The following GATC variants were observed in gnomAD, a reference collection of about 807,000 sequenced individuals.
The protein encoded by GATC is glutamyl-tRNA amidotransferase subunit C.
In GATC, 11 loss-of-function variants were observed where a neutral mutation model predicts 14.4. That is an observed-to-expected ratio of 0.77 (90% CI 0.48 to 1.27). GATC has a LOEUF of 1.27. Among genes scored for constraint, GATC ranks in the 50% most tolerant of loss-of-function variants. The pLI is 0.00. For missense variants in GATC, 204 were observed against 183.0 expected, an observed-to-expected ratio of 1.11 and a Z score of -0.66; for synonymous variants, 76 against 79.3, an observed-to-expected ratio of 0.96 and a Z score of 0.22.
Position 120,461,902 on chromosome 12 carries a change from A to G in GATC, c.*1943A>G. 8.8e-7 allele frequency: 1 copy of G among 1,142,538 alleles called. No individual in the cohort carries two copies. The highest frequency in any genetic ancestry group is 2.9e-5 in the South Asian group (1 of 34,034). 70.8% of individuals were successfully genotyped at this position (1,142,538 alleles called of 1,614,324 possible). The stretch of plus-strand genomic sequence containing the variant: ...TTATGTAGTTTTTTTTCTTCTTTAA[A>G]AAAAAAAAATTAAAAAAATTTCCTA... On this transcript the variant is annotated 3_prime_UTR_variant, in exon 4 of 4. Transcript: ENST00000551765.
At chr12:120,453,626 A>G (rs1190494395) in intron 2 of GATC, among the ~76,000 whole-genome samples, 2 of 152,052 alleles carry the variant, frequency 1.3e-5, no homozygotes, top group South Asian at 2.1e-4. Context: ...AAGTGAAGCA[A>G]CTCACCAAGT....
At chr12:120,448,539 G>C (rs1877941810) in intron 2 of GATC, among the ~76,000 whole-genome samples, 1 of 151,360 alleles carries the variant, frequency 6.6e-6, no homozygotes, top group African/African-American at 2.4e-5. Context: ...ATGTTGACCA[G>C]GCTGGTCTCG....
intron 2 of GATC, among the ~76,000 whole-genome samples, chr12:120,447,189 C>A (rs1385280617): frequency 6.6e-6 from 1 of 151,876 alleles, no homozygotes; most frequent in Non-Finnish European, 1.5e-5. Flanking sequence ...CAATTCTCTG[C>A]CTCAGCCTCC....
In GATC at chr12:120,461,559, T is replaced by C. The variant is rs1343996281; in HGVS notation, c.*1600T>C. 3 of 152,512 alleles carry C rather than the reference T, an allele frequency of 2.0e-5. No individual in the cohort carries two copies. Among genetic ancestry groups the C allele is most frequent in the African/African-American group, 7.2e-5 (3 of 41,450 alleles). 9.4% of individuals were successfully genotyped at this position (152,512 alleles called of 1,614,324 possible). A position where few individuals can be genotyped will look rare whatever the true frequency, so the allele number is the denominator to read the frequency against. ...CTATCCCCATATAAATAAAGTTATC[T>C]ACCCCTGCTCCTAACTGGGTACAAG... On this transcript the variant is annotated 3_prime_UTR_variant, in exon 4 of 4. Transcript: ENST00000551765.
intron 2 of GATC, among the ~76,000 whole-genome samples, chr12:120,454,425 C>T (rs1460207187): frequency 6.6e-6 from 1 of 152,088 alleles, no homozygotes; most frequent in East Asian, 1.9e-4. Flanking sequence ...AGAGCCTAAG[C>T]TCTTAGCCTT....
chr12:120,462,307 T>C lies in GATC; in HGVS notation c.*2348T>C. ...TGGCATGAGGCTATCTCATTAAACC[T>C]TCATAACATTATGAGGTAGGTACTC... On this transcript the variant is annotated 3_prime_UTR_variant, in exon 4 of 4. Coordinates refer to ENST00000551765, the MANE Select transcript of GATC (RefSeq NM_176818.3). The C allele has an allele frequency of 2.6e-6, 2 of 769,532 alleles. No homozygotes were observed. Among genetic ancestry groups the C allele is most frequent in the Non-Finnish European group, 4.0e-6 (2 of 504,046 alleles). 47.7% of individuals were successfully genotyped at this position (769,532 alleles called of 1,614,324 possible). A position where few individuals can be genotyped will look rare whatever the true frequency, so the allele number is the denominator to read the frequency against.
In GATC at chr12:120,446,503, T is replaced by C. The variant is rs1045565977; in HGVS notation, c.23T>C (p.Leu8Pro). 1 of 1,606,758 alleles carries C rather than the reference T, an allele frequency of 6.2e-7. No individual in the cohort carries two copies. Among genetic ancestry groups the C allele is most frequent in the African/African-American group, 1.3e-5 (1 of 74,832 alleles). The change falls in exon 1 of 4, where the codon CTG becomes CCG. Residue 8 changes from leucine (L) to proline (P), a missense_variant. Leu to Pro is a moderately conservative substitution (Grantham distance 98, BLOSUM62 -3). Transcript: ENST00000551765. Reference protein sequence around the residue: MWSRLVWLGLRAPLGGRQ... With the variant: MWSRLVWPGLRAPLGGRQ... ...GAAATGTGGTCGCGGTTGGTGTGGC[T>C]GGGCCTTCGGGCCCCTCTGGGCGGG...
rs1206064854 is a variant in GATC, at chr12:120,462,250, A to C, written c.*2291A>C. The C allele has an allele frequency of 1.6e-5, 22 of 1,416,496 alleles. No homozygotes were observed. The highest frequency in any genetic ancestry group is 1.9e-5 in the Non-Finnish European group (20 of 1,040,860). The allele number at this position is 1,416,496 out of a possible 1,614,324, so 87.7% of individuals were successfully genotyped here. A position where few individuals can be genotyped will look rare whatever the true frequency, so the allele number is the denominator to read the frequency against. Reference sequence around the variant, plus strand: ...AAACCAACATCTAACAATAATAGTTAAGTATTGAGCACTTACTGTGTACTC... The same window carrying C: ...AAACCAACATCTAACAATAATAGTTCAGTATTGAGCACTTACTGTGTACTC... On this transcript the variant is annotated 3_prime_UTR_variant, in exon 4 of 4. Coordinates refer to ENST00000551765, the MANE Select transcript of GATC (RefSeq NM_176818.3).
At chr12:120,449,504 C>T (rs548484668) in intron 2 of GATC, among the ~76,000 whole-genome samples, 23 of 152,270 alleles carry the variant, frequency 1.5e-4, no homozygotes, top group Admixed American at 3.3e-4. Flanking sequence ...ACGCTGGAGG[C>T]AGTGGCGTGA....
intron 2 of GATC, among the ~76,000 whole-genome samples, chr12:120,447,383 G>A (rs963561513): frequency 2.0e-5 from 3 of 151,852 alleles, no homozygotes; most frequent in East Asian, 1.9e-4. Context: ...CCTAATCATC[G>A]CCTTTAAGGC....
At chr12:120,455,600 G>A (rs574729443) in intron 2 of GATC, among the ~76,000 whole-genome samples, 1 of 152,270 alleles carries the variant, frequency 6.6e-6, no homozygotes, top group Non-Finnish European at 1.5e-5. Flanking sequence ...TTCATACCAT[G>A]AGTAAATATT....
chr12:120,451,939 C>T (rs1188627162), intron 2 of GATC, among the ~76,000 whole-genome samples: 1 of 127,204 alleles, frequency 7.9e-6, no homozygotes, highest in Admixed American at 9.1e-5. Flanking sequence ...TGCAGTGGCA[C>T]GATCTCAGCT....
chr12:120,455,103 G>A (rs1265228718), intron 2 of GATC: 25 of 316,972 alleles, frequency 7.9e-5, no homozygotes, highest in Admixed American at 3.3e-4. Context: ...GGATGGTCTC[G>A]AACTCCTGAC....
chr12:120,458,883 C>CG (rs1431711961), intron 3 of GATC, among the ~76,000 whole-genome samples: 1 of 152,162 alleles, frequency 6.6e-6, no homozygotes, highest in African/African-American at 2.4e-5. Flanking sequence ...TGTTTTGAGA[C>CG]GGAGTCTTGC....
chr12:120,456,430 C>G (rs959973592), intron 2 of GATC, among the ~76,000 whole-genome samples: 1 of 152,178 alleles, frequency 6.6e-6, no homozygotes, highest in African/African-American at 2.4e-5. Context: ...CCAGTTGTTA[C>G]TTAGCAGCCA....
Position 120,459,976 on chromosome 12 carries a change from AG to A in GATC, c.*22del, listed in dbSNP as rs1283519494. 1.2e-6 allele frequency: 2 copies of A among 1,600,638 alleles called. No individual in the cohort carries two copies. Among genetic ancestry groups the A allele is most frequent in the African/African-American group, 2.7e-5 (2 of 74,606 alleles). ...CACAGCTGAGTAGCTCATTCTGGAA[AG>A]GGGGTACTCTGTGAACATGTGGAAG... On this transcript the variant is annotated 3_prime_UTR_variant, in exon 4 of 4. Transcript: ENST00000551765.
intron 2 of GATC, among the ~76,000 whole-genome samples, chr12:120,454,124 C>T (rs1408023889): frequency 6.6e-6 from 1 of 152,116 alleles, no homozygotes; most frequent in Admixed American, 6.6e-5. Flanking sequence ...GAGAGTCTTC[C>T]CAAACCTTCA....
Position 120,460,133 on chromosome 12 carries a change from A to C in GATC, c.*174A>C. On this transcript the variant is annotated 3_prime_UTR_variant, in exon 4 of 4. Coordinates refer to ENST00000551765, the MANE Select transcript of GATC (RefSeq NM_176818.3). ...ACAGAATTGGGAAAGATCTGGCCCCAACAAGGCAGTGAGTTCCTGATGCTA... is the reference window on the plus strand; with the variant it reads ...ACAGAATTGGGAAAGATCTGGCCCCCACAAGGCAGTGAGTTCCTGATGCTA... The C allele has an allele frequency of 1.8e-6, 1 of 542,402 alleles. No individual in the cohort carries two copies. The highest frequency in any genetic ancestry group is 3.3e-5 in the East Asian group (1 of 30,030). 33.6% of individuals were successfully genotyped at this position (542,402 alleles called of 1,614,324 possible).
chr12:120,449,742 C>A (rs953010622), intron 2 of GATC, among the ~76,000 whole-genome samples: 1 of 151,742 alleles, frequency 6.6e-6, no homozygotes, highest in South Asian at 2.1e-4. Flanking sequence ...CTGCCGTGCC[C>A]GGCCACAGTA....
Sources: allele counts gnomAD v4.1 joint callset (sites outside exome capture counted in the v4.1 genomes callset), GRCh38; gene constraint gnomAD v4.1.1; transcripts MANE v1.5; gene names NCBI Gene and HGNC (gene_info 2026-07-23, HGNC 2026-07-21).